Variants in BRWD3 observed in about 807,000 individuals in gnomAD.
BRWD3 encodes bromodomain and WD repeat-containing protein 3.
Under a neutral mutation model 149.7 loss-of-function variants are expected in BRWD3, and 10 were observed. The ratio of observed to expected loss-of-function variants is 0.07; its 90% CI spans 0.04 to 0.11. The LOEUF (loss-of-function observed/expected upper bound fraction) is 0.11, where lower values mean the gene tolerates loss of function less well. BRWD3 is among the 10% of genes least tolerant of loss of function. The pLI is 1.00. For missense variants in BRWD3, 940 were observed against 1,373.2 expected, an observed-to-expected ratio of 0.68 and a Z score of 4.99; for synonymous variants, 504 against 456.7, an observed-to-expected ratio of 1.10 and a Z score of -1.32.
chrX:80,802,682 T>C (rs1362277505), intron 4 of BRWD3, among the ~76,000 whole-genome samples: 1 of 110,536 alleles, frequency 9.0e-6, no homozygotes, highest in African/African-American at 3.3e-5. Context: ...TGGGAAATTT[T>C]CATTTTATAA....
chrX:80,754,998 A>G (rs1342172971), intron 6 of BRWD3, among the ~76,000 whole-genome samples: 1 of 110,499 alleles, frequency 9.0e-6, no homozygotes, highest in East Asian at 2.8e-4. Context: ...ACAGAGCGAA[A>G]CTCCGTCTCA....
intron 6 of BRWD3, among the ~76,000 whole-genome samples, chrX:80,751,935 G>C (rs2073673054): frequency 9.3e-6 from 1 of 107,960 alleles, no homozygotes; most frequent in Non-Finnish European, 1.9e-5. Flanking sequence ...ACTTGATTAT[G>C]TATATATAGC....
At chrX:80,731,719 C>T (rs911306458) in intron 12 of BRWD3, among the ~76,000 whole-genome samples, 1 of 108,445 alleles carries the variant, frequency 9.2e-6, no homozygotes, top group Admixed American at 9.9e-5. Context: ...ACGGTGAAAC[C>T]CCGTCTCTAC....
chrX:80,759,424 A>C (rs2073779658), intron 6 of BRWD3, among the ~76,000 whole-genome samples: 2 of 111,970 alleles, frequency 1.8e-5, no homozygotes, highest in African/African-American at 6.5e-5. Context: ...TCAGTATAAC[A>C]GGCTTTAATT....
At chrX:80,786,819 G>A (rs550854287) in intron 6 of BRWD3, among the ~76,000 whole-genome samples, 3 of 111,862 alleles carry the variant, frequency 2.7e-5, no homozygotes, top group South Asian at 7.3e-4. Context: ...CTAATCCACC[G>A]TGCCCGGCCT....
chrX:80,710,195 G>T, intron 20 of BRWD3: 1 of 464,676 alleles, frequency 2.2e-6, no homozygotes, highest in South Asian at 2.7e-5. Context: ...GGAGTGTTTC[G>T]ATTCCAGATT....
chrX:80,715,805 T>C (rs902013809), intron 20 of BRWD3, among the ~76,000 whole-genome samples: 2 of 112,189 alleles, frequency 1.8e-5, no homozygotes, highest in African/African-American at 3.2e-5. Context: ...CCATGGGCTA[T>C]AGTTTGCCAA....
chrX:80,682,389 T>C, intron 38 of BRWD3, 76 bp downstream of exon 38: 3 of 1,093,100 alleles, frequency 2.7e-6, no homozygotes, highest in Non-Finnish European at 2.5e-6. Flanking sequence ...CCCAAATTAT[T>C]CATAAACTTT....
chrX:80,681,483 T>C lies in BRWD3; in HGVS notation c.4512A>G (p.Glu1504=). 8.3e-7 allele frequency: 1 copy of C among 1,205,485 alleles called. No individual in the cohort carries two copies. Among genetic ancestry groups the C allele is most frequent in the South Asian group, 1.8e-5 (1 of 56,754 alleles). ...CATCAAGTAGATATAGTGAAAGCCC[T>C]TCAGCAGCATCTGAAACTTACATTT... ...PFSSPVSDAA[E]GLSLYLLDDE... Residue 1504 remains glutamate, a synonymous_variant, in exon 40 of 41, where the codon GAA becomes GAG. Transcript: ENST00000373275.
intron 6 of BRWD3, among the ~76,000 whole-genome samples, chrX:80,777,601 G>A (rs1424589752): frequency 9.1e-6 from 1 of 110,196 alleles, no homozygotes; most frequent in African/African-American, 3.3e-5. Flanking sequence ...GTCTCACCAC[G>A]CTGCCCAGGC....
intron 4 of BRWD3, among the ~76,000 whole-genome samples, chrX:80,804,488 T>A (rs1031513422): frequency 1.8e-5 from 2 of 111,824 alleles, no homozygotes; most frequent in Admixed American, 1.9e-4. Flanking sequence ...TCCGCCTGCC[T>A]CAGTCTCTCA....
chrX:80,733,833 A>G (rs1602369627), intron 11 of BRWD3, among the ~76,000 whole-genome samples: 2 of 111,800 alleles, frequency 1.8e-5, no homozygotes, highest in Middle Eastern at 4.7e-3. Context: ...AATTTTACAC[A>G]TAATTTTATT....
chrX:80,677,374 A>G lies in BRWD3; in HGVS notation c.4655-11T>C, dbSNP rs1222634689. The G allele has an allele frequency of 8.4e-7, 1 of 1,195,977 alleles. No individual in the cohort carries two copies. The stretch of plus-strand genomic sequence containing the variant: ...CATCAAGGGAGTGATCTAAATTAAA[A>G]TGAATGATTTTTAATAGTTAAGCTT... On this transcript the variant is annotated splice_polypyrimidine_tract_variant and intron_variant, in intron 40 of 40. Coordinates refer to ENST00000373275, the MANE Select transcript of BRWD3 (RefSeq NM_153252.5).
chrX:80,701,545 CAAAAAAAAAAAA>C (rs140140883), intron 24 of BRWD3, among the ~76,000 whole-genome samples: 5 of 24,167 alleles, frequency 2.1e-4, no homozygotes, highest in Non-Finnish European at 2.6e-4. Flanking sequence ...CGAGACTCGT[CAAAAAAAAAAAA>C]AAAAAAAAAA....
At chrX:80,697,765 G>A (rs996107375) in intron 25 of BRWD3, among the ~76,000 whole-genome samples, 6 of 111,821 alleles carry the variant, frequency 5.4e-5, no homozygotes, top group Non-Finnish European at 9.4e-5. Context: ...TGTGAATAGT[G>A]ATGTGACGAA....
intron 17 of BRWD3, 75 bp downstream of exon 17, chrX:80,722,487 T>C (rs780732114): frequency 2.6e-5 from 25 of 944,614 alleles, no homozygotes; most frequent in Non-Finnish European, 3.8e-5. Flanking sequence ...GCAGGAGGCA[T>C]ACATCATAGA....
chrX:80,725,774 A>G (rs1179973484), intron 14 of BRWD3, among the ~76,000 whole-genome samples: 1 of 107,936 alleles, frequency 9.3e-6, no homozygotes, highest in Non-Finnish European at 1.9e-5. Context: ...TACATGTGTT[A>G]CATGCCTATA....
In BRWD3 at chrX:80,745,555, A is replaced by C; in HGVS notation, c.591+14T>G. On this transcript the variant is annotated intron_variant, in intron 7 of 40. Coordinates refer to ENST00000373275, the MANE Select transcript of BRWD3 (RefSeq NM_153252.5). ...ATTCTATATATGTTACCATATTATA[A>C]ATTTTACACTCACTGTAAAAATTCT... 1 of 1,196,173 alleles carries C rather than the reference A, an allele frequency of 8.4e-7. No individual in the cohort carries two copies. The highest frequency in any genetic ancestry group is 1.1e-6 in the Non-Finnish European group (1 of 884,230).
intron 6 of BRWD3, among the ~76,000 whole-genome samples, chrX:80,768,586 A>G (rs1369728375): frequency 2.7e-5 from 3 of 111,777 alleles, no homozygotes; most frequent in African/African-American, 9.8e-5. Flanking sequence ...GGAAGCACTA[A>G]ACATGGAAAG....
Sources: gnomAD v4.1 joint callset for allele counts (sites outside exome capture counted in the v4.1 genomes callset) on GRCh38, gnomAD v4.1.1 for gene constraint, MANE v1.5 for transcripts, NCBI Gene and HGNC (gene_info 2026-07-23, HGNC 2026-07-21) for gene names.